Variants in KDM1A observed in about 807,000 individuals in gnomAD.
The protein encoded by KDM1A is lysine-specific histone demethylase 1A.
A neutral mutation model predicts 109.4 loss-of-function variants in KDM1A; 49 were observed. That is an observed-to-expected ratio of 0.45 (90% CI 0.36 to 0.57). KDM1A has a LOEUF of 0.57. Among genes scored for constraint, KDM1A ranks in the 20% least tolerant of loss-of-function variants. The pLI is 0.00. For synonymous variants in KDM1A, 380 were observed against 415.4 expected (o/e 0.91, Z 1.04); for missense variants, 668 against 1,116.6 (o/e 0.60, Z 5.73).
chr1:23,036,797 GGTA>G (rs1437212492), intron 2 of KDM1A, among the ~76,000 whole-genome samples: 1 of 151,952 alleles, frequency 6.6e-6, no homozygotes, highest in Non-Finnish European at 1.5e-5. Flanking sequence ...GTAGAGAATT[GGTA>G]GTATGGAGGG....
In KDM1A at chr1:23,073,283, CT is replaced by C; in HGVS notation, c.1623-5del. 1 of 1,426,382 alleles carries C rather than the reference CT, an allele frequency of 7.0e-7. No homozygotes were observed. Among genetic ancestry groups the C allele is most frequent in the Non-Finnish European group, 9.9e-7 (1 of 1,011,040 alleles). The allele number at this position is 1,426,382 out of a possible 1,614,324, so 88.4% of individuals were successfully genotyped here. ...TTTAATAATCCTGTAGTCCTTTGTTCTTTTGCAGTGATGTATATCTCTCATC... is the reference window on the plus strand; with the variant it reads ...TTTAATAATCCTGTAGTCCTTTGTTCTTTGCAGTGATGTATATCTCTCATC... On this transcript the variant is annotated splice_region_variant and splice_polypyrimidine_tract_variant and intron_variant, in intron 14 of 20. Transcript: ENST00000400181.
intron 2 of KDM1A, among the ~76,000 whole-genome samples, chr1:23,042,584 C>T (rs1271364032): frequency 1.4e-5 from 2 of 147,514 alleles, no homozygotes; most frequent in East Asian, 4.0e-4. Flanking sequence ...TCCGAAGTAG[C>T]TGGGACTACA....
Position 23,030,630 on chromosome 1 carries a change from A to G in KDM1A, c.513A>G (p.Pro171=). 1.3e-6 allele frequency: 2 copies of G among 1,552,448 alleles called. No individual in the cohort carries two copies. The highest frequency in any genetic ancestry group is 1.7e-6 in the Non-Finnish European group (2 of 1,156,776). ...EEENESEPEE[P]SGQAGGLQDD... The stretch of plus-strand genomic sequence containing the variant: ...AAAATGAAAGTGAGCCTGAAGAACC[A>G]TCGGGTGAGTTGTAGTATCCAACCA... The change falls in exon 2 of 21, where the codon CCA becomes CCG. Residue 171 remains proline, a synonymous_variant. Transcript: ENST00000400181.
At position 23,077,139 on chromosome 1, in the gene KDM1A, TTG is replaced by T. The variant is rs368205178; in HGVS notation, c.1735-85_1735-84del. On this transcript the variant is annotated intron_variant, in intron 15 of 20. Transcript: ENST00000400181. ...TAAAATATTGACTGTTTCCACAAGC[TTG>T]TGTTTTCATTGTTGTTGTACAGAAC... 4.0e-5 allele frequency: 50 copies of T among 1,257,156 alleles called. No individual in the cohort carries two copies. The African/African-American group carries it at 5.1e-4, about 13-fold the overall frequency. 77.9% of individuals were successfully genotyped at this position (1,257,156 alleles called of 1,614,324 possible).
chr1:23,053,641 C>T, intron 4 of KDM1A, 120 bp from the exon 5 acceptor site: 1 of 696,682 alleles, frequency 1.4e-6, no homozygotes, highest in Non-Finnish European at 2.6e-6. Flanking sequence ...CCACCTCAGC[C>T]TCCCAAACTG....
At chr1:23,032,414 G>A (rs530397871) in intron 2 of KDM1A, among the ~76,000 whole-genome samples, 16 of 149,952 alleles carry the variant, frequency 1.1e-4, no homozygotes, top group Admixed American at 6.0e-4. Context: ...AAAAGTAAAC[G>A]TCTTAGCAAA....
At chr1:23,063,474 A>G (rs2124493561) in intron 9 of KDM1A, among the ~76,000 whole-genome samples, 1 of 152,216 alleles carries the variant, frequency 6.6e-6, no homozygotes, top group South Asian at 2.1e-4. Context: ...TGCTTAGGTT[A>G]GTATGCTTTT....
Position 23,059,381 on chromosome 1 carries a change from CTGTT to C in KDM1A, c.1167+216_1167+219del, listed in dbSNP as rs763530061. On this transcript the variant is annotated intron_variant, in intron 9 of 20. Transcript: ENST00000400181. Reference sequence around the variant, plus strand: ...ATTGTATATATACACATTTACCTGTCTGTTTAACATTTATCTTTAGATATTTAAT... The same window carrying C: ...ATTGTATATATACACATTTACCTGTCTAACATTTATCTTTAGATATTTAAT... 5.3e-5 allele frequency: 33 copies of C among 622,912 alleles called. No individual in the cohort carries two copies. In the East Asian group the frequency reaches 6.8e-4, roughly 13 times the overall value. 38.6% of individuals were successfully genotyped at this position (622,912 alleles called of 1,614,324 possible).
intron 2 of KDM1A, among the ~76,000 whole-genome samples, chr1:23,040,239 C>T (rs1642267465): frequency 6.6e-6 from 1 of 152,196 alleles, no homozygotes; most frequent in Non-Finnish European, 1.5e-5. Context: ...GTGATTTTCA[C>T]CTCCTTGTTT....
chr1:23,082,124 C>T lies in KDM1A; in HGVS notation c.2299-96C>T, dbSNP rs561482583. On this transcript the variant is annotated intron_variant, in intron 19 of 20. Coordinates refer to ENST00000400181, the MANE Select transcript of KDM1A (RefSeq NM_001009999.3). ...CTCACATGTTGCCCCTCTTTCTCTT[C>T]ACTTGCATCTCCACCCACCACTGCT... is the stretch of plus-strand genomic sequence containing the variant. The T allele has an allele frequency of 3.7e-6, 5 of 1,335,030 alleles. No individual in the cohort carries two copies. The East Asian group carries it at 1.2e-4, about 31-fold the overall frequency. 82.7% of individuals were successfully genotyped at this position (1,335,030 alleles called of 1,614,324 possible).
chr1:23,058,159 T>G (rs371816036), intron 8 of KDM1A, among the ~76,000 whole-genome samples: 103 of 152,272 alleles, frequency 6.8e-4, no homozygotes, highest in African/African-American at 2.4e-3. Context: ...CCCTAATAGC[T>G]TGGAGTACAG....
At position 23,063,219 on chromosome 1, in the gene KDM1A, T is replaced by C. The variant is rs1047183915; in HGVS notation, c.1168-2841T>C. ...ATTGGGGGGGGGGTGTGGTGTGGGG[T>C]GGGTGTGTGTGGGTGTGTGTGTGTG... is the stretch of plus-strand genomic sequence containing the variant. On this transcript the variant is annotated intron_variant, in intron 9 of 20. Transcript: ENST00000400181. Among the ~76,000 whole-genome samples the C allele has an allele frequency of 7.3e-5, 2 of 27,398 alleles. 1 individual carries two copies. Among genetic ancestry groups the C allele is most frequent in the Non-Finnish European group, 2.2e-4 (2 of 9,198 alleles). The allele number at this position is 27,398 out of a possible 152,430, so 18.0% of individuals were successfully genotyped here. A position where few individuals can be genotyped will look rare whatever the true frequency, so the allele number is the denominator to read the frequency against.
intron 9 of KDM1A, among the ~76,000 whole-genome samples, chr1:23,064,229 C>T (rs557274804): frequency 2.0e-5 from 3 of 152,312 alleles, no homozygotes; most frequent in South Asian, 2.1e-4. Context: ...AGGATATATT[C>T]GCCCTATGGG....
Position 23,024,197 on chromosome 1 carries a change from C to T in KDM1A, c.351+4250C>T, listed in dbSNP as rs560133143. 2.6e-5 allele frequency among the ~76,000 whole-genome samples: 4 copies of T among 152,250 alleles called. No individual in the cohort carries two copies. The East Asian group carries it at 7.7e-4, about 29-fold the overall frequency. On this transcript the variant is annotated intron_variant, in intron 1 of 20. Transcript: ENST00000400181. ...CCTGTGTTTATTTTAACTCATCTTA[C>T]TTACCCTGTTTTTTAATCCCCCATT...
chr1:23,079,043 A>G lies in KDM1A; in HGVS notation c.1921A>G (p.Lys641Glu). 1 of 1,614,192 alleles carries G rather than the reference A, an allele frequency of 6.2e-7. No homozygotes were observed. Among genetic ancestry groups the G allele is most frequent in the Non-Finnish European group, 8.5e-7 (1 of 1,180,022 alleles). ...TRSTSQTFIY[K>E]CDAVLCTLPL... ...CTCCACGAGTCAAACCTTTATTTAT[A>G]AATGCGACGCAGTTCTCTGTACCCT... The change falls in exon 17 of 21, where the codon AAA becomes GAA. Residue 641 changes from lysine to glutamate, a missense_variant. Lys to Glu is a moderately conservative substitution (Grantham distance 56). Transcript: ENST00000400181. This position sits in a 1 kb window ranked among gnomAD's most constrained non-coding sequence, Gnocchi z 5.6.
chr1:23,079,314 G>T lies in KDM1A; in HGVS notation c.2055+137G>T, dbSNP rs375520773. The T allele has an allele frequency of 4.8e-6, 4 of 833,716 alleles. No homozygotes were observed. In the South Asian group the frequency reaches 6.9e-5, roughly 14 times the overall value. The allele number at this position is 833,716 out of a possible 1,614,324, so 51.6% of individuals were successfully genotyped here. A position where few individuals can be genotyped will look rare whatever the true frequency, so the allele number is the denominator to read the frequency against. On this transcript the variant is annotated intron_variant, in intron 17 of 20. Transcript: ENST00000400181. This position sits in a 1 kb window ranked among gnomAD's most constrained non-coding sequence, Gnocchi z 5.6. ...AATTGTGACATCAGGGCTGAGGCGT[G>T]TCAGTTGATTCTCTTCAGTGCCTAA...
intron 1 of KDM1A, among the ~76,000 whole-genome samples, chr1:23,021,622 G>A (rs1641631875): frequency 1.3e-5 from 2 of 152,208 alleles, no homozygotes; most frequent in Non-Finnish European, 2.9e-5. Context: ...CCCAGATCGT[G>A]CCACTGCACT....
chr1:23,024,078 G>T (rs1641723533), intron 1 of KDM1A, among the ~76,000 whole-genome samples: 2 of 151,956 alleles, frequency 1.3e-5, no homozygotes, highest in Non-Finnish European at 2.9e-5. Context: ...CGAACTTCTG[G>T]GCTCAATCAT....
chr1:23,083,154 A>G lies in KDM1A; in HGVS notation c.2446-25A>G, dbSNP rs778016538. 2.1e-5 allele frequency: 33 copies of G among 1,596,082 alleles called. 1 individual carries two copies. Among genetic ancestry groups the G allele is most frequent in the African/African-American group, 6.7e-5 (5 of 74,434 alleles). On this transcript the variant is annotated intron_variant, in intron 20 of 20. Transcript: ENST00000400181. ...ATAAAGGTATATGTGCAGCCTGCCA[A>G]TTTTCTCTTTTTCCCCTAAAATAGC...
Sources: allele counts gnomAD v4.1 joint callset (sites outside exome capture counted in the v4.1 genomes callset), GRCh38; gene constraint gnomAD v4.1.1; non-coding constraint Gnocchi (gnomAD v3.1); transcripts MANE v1.5; gene names NCBI Gene and HGNC (gene_info 2026-07-23, HGNC 2026-07-21).